The following C8orf34 variants were observed in gnomAD, a reference collection of about 807,000 sequenced individuals.
C8orf34 encodes the protein uncharacterized protein C8orf34.
Under a neutral mutation model 68.3 loss-of-function variants are expected in C8orf34, and 65 were observed. The ratio of observed to expected loss-of-function variants is 0.95; its 90% CI spans 0.78 to 1.17. C8orf34 has a LOEUF of 1.17. C8orf34 is among the 50% of genes most tolerant of loss of function. The pLI is 0.00. For missense variants in C8orf34, 664 were observed against 655.4 expected (o/e 1.01, Z -0.14); for synonymous variants, 244 against 241.2 (o/e 1.01, Z -0.11).
chr8:68,593,162 T>C (rs1162370462), intron 7 of C8orf34, among the ~76,000 whole-genome samples: 1 of 152,194 alleles, frequency 6.6e-6, no homozygotes, highest in Non-Finnish European at 1.5e-5. Flanking sequence ...TTATTGATGA[T>C]GTGATCTTCT....
At chr8:68,623,024 C>T (rs959042717) in intron 7 of C8orf34, among the ~76,000 whole-genome samples, 40 of 152,156 alleles carry the variant, frequency 2.6e-4, no homozygotes, top group Admixed American at 7.9e-4. Context: ...GAATCAGCAA[C>T]GTAGTGTGAA....
chr8:68,797,454 T>G (rs997283025), intron 12 of C8orf34, among the ~76,000 whole-genome samples: 1 of 152,108 alleles, frequency 6.6e-6, no homozygotes, highest in Non-Finnish European at 1.5e-5. Flanking sequence ...GTTGATGCTA[T>G]GACTCCTGAG....
intron 1 of C8orf34, among the ~76,000 whole-genome samples, chr8:68,357,121 T>C (rs573432861): frequency 1.7e-4 from 26 of 152,284 alleles, no homozygotes; most frequent in Non-Finnish European, 3.2e-4. Context: ...TTTCCTGTTA[T>C]ATGTTTTGTA....
At chr8:68,616,419 G>T (rs1586457274) in intron 7 of C8orf34, among the ~76,000 whole-genome samples, 1 of 152,204 alleles carries the variant, frequency 6.6e-6, no homozygotes, top group East Asian at 1.9e-4. Context: ...TTTCTCTTGT[G>T]GGCATTTAGT....
intron 6 of C8orf34, chr8:68,525,444 C>G (rs555768101): frequency 4.1e-6 from 2 of 485,210 alleles, no homozygotes; most frequent in African/African-American, 4.0e-5. Context: ...TTTTTTAGTA[C>G]AAGTTCAATC....
At chr8:68,380,015 C>T (rs191723357) in intron 1 of C8orf34, among the ~76,000 whole-genome samples, 1 of 152,090 alleles carries the variant, frequency 6.6e-6, no homozygotes, top group Non-Finnish European at 1.5e-5. Flanking sequence ...ACTACACCCC[C>T]CTTCTAATTT....
intron 8 of C8orf34, among the ~76,000 whole-genome samples, chr8:68,653,997 T>G (rs936846459): frequency 6.6e-6 from 1 of 152,222 alleles, no homozygotes; most frequent in Non-Finnish European, 1.5e-5. Flanking sequence ...CATATTTATA[T>G]GACAAGAACA....
chr8:68,624,072 A>T (rs1360723026), intron 7 of C8orf34, among the ~76,000 whole-genome samples: 1 of 152,118 alleles, frequency 6.6e-6, no homozygotes, highest in Non-Finnish European at 1.5e-5. Context: ...GGAGTTCGAG[A>T]CTAGCCTGGT....
chr8:68,812,394 A>T (rs976918893), intron 12 of C8orf34, among the ~76,000 whole-genome samples: 1 of 152,190 alleles, frequency 6.6e-6, no homozygotes, highest in African/African-American at 2.4e-5. Context: ...TAAGTATCTC[A>T]AAACTGTATA....
At chr8:68,339,476 G>A (rs1805983553) in intron 1 of C8orf34, among the ~76,000 whole-genome samples, 1 of 132,586 alleles carries the variant, frequency 7.5e-6, no homozygotes, top group Non-Finnish European at 1.7e-5. Flanking sequence ...ACACTAAAAA[G>A]TATAAAAACT....
intron 1 of C8orf34, among the ~76,000 whole-genome samples, chr8:68,361,941 A>T (rs1181047443): frequency 6.6e-6 from 1 of 152,268 alleles, no homozygotes; most frequent in Non-Finnish European, 1.5e-5. Context: ...CTACTAACGT[A>T]CATGGAACTA....
At chr8:68,625,516 C>T in intron 7 of C8orf34, 1 of 620,080 alleles carries the variant, frequency 1.6e-6, no homozygotes, top group South Asian at 1.8e-5. Flanking sequence ...GGTGGCGATG[C>T]TTTGTGGCTT....
intron 1 of C8orf34, among the ~76,000 whole-genome samples, chr8:68,398,984 T>A (rs1349668298): frequency 6.6e-6 from 1 of 152,120 alleles, no homozygotes; most frequent in African/African-American, 2.4e-5. Flanking sequence ...GTTATTGTCT[T>A]GAAATTCCTA....
At chr8:68,357,897 T>C (rs1806814641) in intron 1 of C8orf34, among the ~76,000 whole-genome samples, 1 of 152,156 alleles carries the variant, frequency 6.6e-6, no homozygotes, top group Admixed American at 6.5e-5. Context: ...CTTTTTTTGC[T>C]TGGGCTTCTG....
At chr8:68,533,375 A>G (rs1815331928) in intron 7 of C8orf34, 1 of 1,243,680 alleles carries the variant, frequency 8.0e-7, no homozygotes, top group African/African-American at 1.5e-5. Flanking sequence ...TGCTTTGTGT[A>G]TGCTGCACTT....
At chr8:68,337,925 A>G (rs1449380342) in intron 1 of C8orf34, among the ~76,000 whole-genome samples, 1 of 152,228 alleles carries the variant, frequency 6.6e-6, no homozygotes, top group African/African-American at 2.4e-5. Flanking sequence ...GCTGGAACAT[A>G]AGAAAGAGTG....
chr8:68,626,057 A>G (rs1818529689), intron 7 of C8orf34, among the ~76,000 whole-genome samples: 1 of 152,220 alleles, frequency 6.6e-6, no homozygotes, highest in East Asian at 1.9e-4. Context: ...TTTTATAAAT[A>G]TTAGTTTGAT....
intron 2 of C8orf34, 34 bp downstream of exon 2, chr8:68,439,680 A>T: frequency 6.3e-7 from 1 of 1,580,696 alleles, no homozygotes; most frequent in Non-Finnish European, 8.6e-7. Flanking sequence ...TTAATTTGGG[A>T]TTCATTTAAT....
rs187198216 is a variant in C8orf34 at position 68,396,599 on chromosome 8, G to A, written c.328-42900G>A. ...TTTGACCCCCAATATTGGAGGTGGA[G>A]CTTAGTGGGAGGTGTTTGGGCAATA... On this transcript the variant is annotated intron_variant, in intron 1 of 13. Coordinates refer to ENST00000518698, the MANE Select transcript of C8orf34 (RefSeq NM_052958.4). Among the ~76,000 whole-genome samples, 595 of 150,690 alleles carry A rather than the reference G, an allele frequency of 3.9e-3. 1 individual carries two copies. The highest frequency in any genetic ancestry group is 6.6e-3 in the Non-Finnish European group (448 of 67,780).
Sources: allele counts gnomAD v4.1 joint callset (sites outside exome capture counted in the v4.1 genomes callset), GRCh38; gene constraint gnomAD v4.1.1; transcripts MANE v1.5; gene names NCBI Gene and HGNC (gene_info 2026-07-23, HGNC 2026-07-21).